The following DEFB116 variants were observed in gnomAD, a reference collection of about 807,000 sequenced individuals.
DEFB116 encodes beta-defensin 116.
In DEFB116, 5 loss-of-function variants were observed where a neutral mutation model predicts 2.8. That is an observed-to-expected ratio of 1.80 (90% CI 0.94 to 3.79). The LOEUF (loss-of-function observed/expected upper bound fraction) is 3.79. Ranked by LOEUF, DEFB116 falls within the 30% of genes most tolerant of loss-of-function variation. The pLI is 0.00. For missense variants in DEFB116, 170 were observed against 118.0 expected, an observed-to-expected ratio of 1.44 and a Z score of -2.04; for synonymous variants, 56 against 40.8, an observed-to-expected ratio of 1.37 and a Z score of -1.42.
intron 1 of DEFB116, among the ~76,000 whole-genome samples, chr20:31,306,723 G>A (rs971240398): frequency 7.2e-5 from 11 of 152,084 alleles, no homozygotes; most frequent in Admixed American, 2.6e-4. Context: ...AAGAGGAGGA[G>A]AAACCTCTAG....
At chr20:31,305,071 AACATCAACCAGCCTGCT>A (rs1477453671) in intron 1 of DEFB116, among the ~76,000 whole-genome samples, 43 of 152,054 alleles carry the variant, frequency 2.8e-4, no homozygotes, top group African/African-American at 1.0e-3. Flanking sequence ...CAACTGCTCC[AACATCAACCAGCCTGCT>A]GGTCAACCAG....
chr20:31,304,231 C>T (rs1174835729), intron 1 of DEFB116, among the ~76,000 whole-genome samples: 1 of 152,084 alleles, frequency 6.6e-6, no homozygotes, highest in Non-Finnish European at 1.5e-5. Flanking sequence ...AACATAAGCT[C>T]TTTGCCTGAA....
At chr20:31,307,386 A>G (rs1021550319) in intron 1 of DEFB116, among the ~76,000 whole-genome samples, 1 of 152,136 alleles carries the variant, frequency 6.6e-6, no homozygotes, top group African/African-American at 2.4e-5. Flanking sequence ...AAAATTGGAT[A>G]TTTATCTTAC....
intron 1 of DEFB116, among the ~76,000 whole-genome samples, chr20:31,306,461 C>T (rs1014826571): frequency 1.3e-5 from 2 of 152,116 alleles, no homozygotes; most frequent in African/African-American, 4.8e-5. Context: ...ATTAAGGAAG[C>T]TACACTATGT....
At chr20:31,306,119 A>C (rs1984986268) in intron 1 of DEFB116, among the ~76,000 whole-genome samples, 1 of 152,120 alleles carries the variant, frequency 6.6e-6, no homozygotes, top group Non-Finnish European at 1.5e-5. Context: ...AATGTGATAT[A>C]TTATTTCTCT....
chr20:31,306,069 C>T (rs1984985555), intron 1 of DEFB116, among the ~76,000 whole-genome samples: 1 of 152,030 alleles, frequency 6.6e-6, no homozygotes, highest in African/African-American at 2.4e-5. Context: ...CAAAAGGTAT[C>T]CTCTGGACCT....
At chr20:31,305,945 G>C (rs1984982746) in intron 1 of DEFB116, among the ~76,000 whole-genome samples, 1 of 152,072 alleles carries the variant, frequency 6.6e-6, no homozygotes, top group Admixed American at 6.6e-5. Flanking sequence ...CCTGTTTGCA[G>C]TGAAAGCCAC....
rs773273644 is a variant in DEFB116, at chr20:31,308,488, C to T, written c.67+31G>A. ...CAAGATACCAGTACCACATGCAAGA[C>T]GCCAGAACCTTTGAGAGAGGCCTGA... On this transcript the variant is annotated intron_variant, in intron 1 of 1. Transcript: ENST00000400549. 3.5e-5 allele frequency: 56 copies of T among 1,611,442 alleles called. 1 individual carries two copies. Among genetic ancestry groups the T allele is most frequent in the Middle Eastern group, 3.3e-4 (2 of 6,060 alleles).
chr20:31,307,710 C>G (rs993549639), intron 1 of DEFB116, among the ~76,000 whole-genome samples: 5 of 152,056 alleles, frequency 3.3e-5, no homozygotes, highest in African/African-American at 1.2e-4. Flanking sequence ...AGCCACAACC[C>G]TGCTGTGATG....
intron 1 of DEFB116, among the ~76,000 whole-genome samples, chr20:31,304,393 G>A (rs1168839235): frequency 6.6e-6 from 1 of 152,068 alleles, no homozygotes; most frequent in African/African-American, 2.4e-5. Flanking sequence ...GTATGGTCCA[G>A]CATCAACTAT....
At chr20:31,303,562 A>G in intron 1 of DEFB116, 109 bp from the exon 2 acceptor site, 1 of 1,443,484 alleles carries the variant, frequency 6.9e-7, no homozygotes, top group Non-Finnish European at 9.3e-7. Context: ...AAGATCTGGA[A>G]TCAAAACTAC....
intron 1 of DEFB116, among the ~76,000 whole-genome samples, chr20:31,306,983 C>G (rs1413819878): frequency 6.6e-6 from 1 of 152,100 alleles, no homozygotes; most frequent in Non-Finnish European, 1.5e-5. Flanking sequence ...TATTTTTCAT[C>G]CAGTGTTTAT....
chr20:31,304,055 G>T (rs1984940950), intron 1 of DEFB116, among the ~76,000 whole-genome samples: 1 of 152,076 alleles, frequency 6.6e-6, no homozygotes, highest in African/African-American at 2.4e-5. Flanking sequence ...CAGCATACTG[G>T]CATATACACA....
chr20:31,303,447 A>G lies in DEFB116; in HGVS notation c.74T>C (p.Leu25Pro), dbSNP rs1323641231. ...MILAQKTPGG[L>P]FRSHNGKSRE... ...GCTCTTGCCATTGTGGGATCTGAAC[A>G]GGCCACCTGGGAAAGACATGGCCAT... The change falls in exon 2 of 2, where the codon CTG (leucine) becomes CCG (proline). Residue 25 changes from leucine to proline, a missense_variant. Leu to Pro is a moderately conservative substitution (Grantham distance 98). Coordinates refer to ENST00000400549, the MANE Select transcript of DEFB116 (RefSeq NM_001037731.1). The G allele has an allele frequency of 6.2e-7, 1 of 1,613,002 alleles. No individual in the cohort carries two copies. The highest frequency in any genetic ancestry group is 1.3e-5 in the African/African-American group (1 of 74,816).
chr20:31,306,536 C>T (rs1984993735), intron 1 of DEFB116, among the ~76,000 whole-genome samples: 1 of 152,086 alleles, frequency 6.6e-6, no homozygotes, highest in South Asian at 2.1e-4. Context: ...TGCAAACCCA[C>T]TTGTGTTTTC....
chr20:31,307,120 T>A (rs905099936), intron 1 of DEFB116, among the ~76,000 whole-genome samples: 2 of 152,144 alleles, frequency 1.3e-5, no homozygotes, highest in Non-Finnish European at 2.9e-5. Context: ...GAAACCATCA[T>A]CACAATCTAT....
intron 1 of DEFB116, among the ~76,000 whole-genome samples, chr20:31,306,237 G>C (rs1042640863): frequency 1.3e-5 from 2 of 152,058 alleles, no homozygotes; most frequent in Non-Finnish European, 2.9e-5. Flanking sequence ...CATTCAATAA[G>C]TATTTGCTAA....
intron 1 of DEFB116, among the ~76,000 whole-genome samples, chr20:31,304,086 T>C (rs1984941590): frequency 6.6e-6 from 1 of 152,092 alleles, no homozygotes; most frequent in Admixed American, 6.6e-5. Flanking sequence ...TACAACCCAC[T>C]TTATTCACAG....
chr20:31,307,775 C>T (rs1359624172), intron 1 of DEFB116, among the ~76,000 whole-genome samples: 4 of 152,010 alleles, frequency 2.6e-5, no homozygotes, highest in Non-Finnish European at 5.9e-5. Context: ...TAAGTCAATC[C>T]CTGCCCAGAT....
Sources: gnomAD v4.1 joint callset for allele counts (sites outside exome capture counted in the v4.1 genomes callset) on GRCh38, gnomAD v4.1.1 for gene constraint, MANE v1.5 for transcripts, NCBI Gene and HGNC (gene_info 2026-07-23, HGNC 2026-07-21) for gene names.